Variants in MAOA observed in about 807,000 individuals in gnomAD.
MAOA encodes monoamine oxidase A, also known as amine oxidase [flavin-containing] A.
MAOA carries 6 observed loss-of-function variants against 42.0 expected under a neutral mutation model. The ratio of observed to expected loss-of-function variants is 0.14; its 90% CI spans 0.08 to 0.28. The LOEUF is 0.28. MAOA is among the 10% of genes least tolerant of loss of function. The probability of loss-of-function intolerance (pLI) is 1.00; values close to 1 mark genes in which losing one functional copy is unlikely to be tolerated. For synonymous variants in MAOA, 140 were observed against 154.0 expected (o/e 0.91, Z 0.67); for missense variants, 262 against 422.3 (o/e 0.62, Z 3.33).
intron 5 of MAOA, among the ~76,000 whole-genome samples, chrX:43,714,351 A>G (rs1477877114): frequency 9.0e-6 from 1 of 111,020 alleles, no homozygotes; most frequent in Non-Finnish European, 1.9e-5. Context: ...TGTTCCAGGT[A>G]TGATCCACAG....
At chrX:43,668,506 T>G (rs569106913) in intron 1 of MAOA, among the ~76,000 whole-genome samples, 2 of 112,380 alleles carry the variant, frequency 1.8e-5, no homozygotes, top group Admixed American at 9.5e-5. Context: ...TTTTTTAAGG[T>G]TTTTATGTTA....
chrX:43,742,800 G>A (rs1019852162), intron 12 of MAOA, among the ~76,000 whole-genome samples: 1 of 112,136 alleles, frequency 8.9e-6, no homozygotes, highest in Non-Finnish European at 1.9e-5. Flanking sequence ...CCTTCATCTG[G>A]TTTCCAGAGA....
intron 3 of MAOA, among the ~76,000 whole-genome samples, chrX:43,707,147 G>T (rs1341569442): frequency 9.0e-6 from 1 of 111,551 alleles, no homozygotes; most frequent in East Asian, 2.8e-4. Flanking sequence ...ATGGGAAAGG[G>T]GTGGGCAGAA....
At chrX:43,738,647 C>T (rs2033938835) in intron 10 of MAOA, among the ~76,000 whole-genome samples, 1 of 110,142 alleles carries the variant, frequency 9.1e-6, no homozygotes, top group Non-Finnish European at 1.9e-5. Context: ...ATAGAGAAAC[C>T]GTCTCCACAA....
chrX:43,660,251 G>C (rs1364418988), intron 1 of MAOA, among the ~76,000 whole-genome samples: 2 of 111,303 alleles, frequency 1.8e-5, no homozygotes, highest in African/African-American at 6.5e-5. Flanking sequence ...AAAAGCTCTT[G>C]ACCCCTGAAG....
intron 6 of MAOA, among the ~76,000 whole-genome samples, chrX:43,730,194 C>CAAA (rs1219771036): frequency 5.2e-5 from 2 of 38,106 alleles, no homozygotes; most frequent in Non-Finnish European, 9.8e-5. Context: ...AACTCCGTCT[C>CAAA]AAAAAAAAAA....
intron 1 of MAOA, among the ~76,000 whole-genome samples, 190 bp downstream of exon 1, chrX:43,656,604 G>A (rs928784071): frequency 9.0e-6 from 1 of 111,150 alleles, no homozygotes. Flanking sequence ...GACTGGGGGA[G>A]GCAGACACAA....
At chrX:43,688,656 A>G (rs1203951249) in intron 2 of MAOA, among the ~76,000 whole-genome samples, 1 of 112,291 alleles carries the variant, frequency 8.9e-6, no homozygotes, top group African/African-American at 3.2e-5. Flanking sequence ...TTCTGCTTGA[A>G]AAGAACATGT....
intron 3 of MAOA, among the ~76,000 whole-genome samples, chrX:43,694,590 G>A (rs2033562250): frequency 8.9e-6 from 1 of 112,117 alleles, no homozygotes; most frequent in African/African-American, 3.2e-5. Context: ...ATTTCACAAA[G>A]TATTTAGGAA....
At chrX:43,722,194 G>A (rs1362050231) in intron 5 of MAOA, among the ~76,000 whole-genome samples, 1 of 111,944 alleles carries the variant, frequency 8.9e-6, no homozygotes, top group Non-Finnish European at 1.9e-5. Flanking sequence ...ATAATTCTTT[G>A]GGTATATACC....
chrX:43,700,056 G>A (rs961321559), intron 3 of MAOA, among the ~76,000 whole-genome samples: 4 of 111,982 alleles, frequency 3.6e-5, no homozygotes, highest in African/African-American at 1.3e-4. Context: ...GTCTTTGTAG[G>A]GATGTTGCTT....
At chrX:43,665,854 ATAG>A in intron 1 of MAOA, among the ~76,000 whole-genome samples, 1 of 108,290 alleles carries the variant, frequency 9.2e-6, no homozygotes, top group Admixed American at 9.8e-5. Flanking sequence ...AGATAGATAG[ATAG>A]GAATGGTTTT....
intron 1 of MAOA, 91 bp downstream of exon 1, chrX:43,656,505 T>C (rs2033181018): frequency 7.3e-6 from 6 of 821,811 alleles, no homozygotes; most frequent in Non-Finnish European, 1.1e-5. Context: ...TGGGGGTCTC[T>C]CATGCATGCG....
chrX:43,663,439 C>T (rs2033251599), intron 1 of MAOA, among the ~76,000 whole-genome samples: 1 of 111,790 alleles, frequency 8.9e-6, no homozygotes, highest in Non-Finnish European at 1.9e-5. Context: ...TATATATTAA[C>T]CATGTCCAAG....
chrX:43,672,718 T>C (rs1258363350), intron 1 of MAOA, among the ~76,000 whole-genome samples: 5 of 111,771 alleles, frequency 4.5e-5, no homozygotes, highest in African/African-American at 1.3e-4. Context: ...GTTTTTGTCT[T>C]TGGTTCTGTT....
rs186651981 is a variant in MAOA, at chrX:43,746,193, C to T, written c.*1680C>T. On this transcript the variant is annotated 3_prime_UTR_variant, in exon 15 of 15. Coordinates refer to ENST00000338702, the MANE Select transcript of MAOA (RefSeq NM_000240.4). ...TTTTGGGAAATGCTGATTTAAACTT[C>T]TTAACTGGCAACAGTTGGAACAGTA... 1.6e-3 allele frequency: 180 copies of T among 112,537 alleles called. 1 individual carries two copies. The highest frequency in any genetic ancestry group is 5.7e-3 in the African/African-American group (178 of 31,033). 9.3% of individuals were successfully genotyped at this position (112,537 alleles called of 1,213,427 possible). A position where few individuals can be genotyped will look rare whatever the true frequency, so the allele number is the denominator to read the frequency against.
intron 5 of MAOA, among the ~76,000 whole-genome samples, chrX:43,715,844 G>C (rs1315427329): frequency 9.0e-6 from 1 of 110,849 alleles, no homozygotes; most frequent in Non-Finnish European, 1.9e-5. Context: ...ATGTGACACA[G>C]GCACTGTGGG....
At chrX:43,742,156 A>G (rs2033965172) in intron 12 of MAOA, 109 bp downstream of exon 12, 1 of 1,114,339 alleles carries the variant, frequency 9.0e-7, no homozygotes, top group Admixed American at 2.6e-5. Context: ...CCCATTTCTT[A>G]TGTCCTAGAT....
intron 1 of MAOA, among the ~76,000 whole-genome samples, chrX:43,672,211 A>C (rs2033343508): frequency 9.0e-6 from 1 of 111,428 alleles, no homozygotes; most frequent in Non-Finnish European, 1.9e-5. Context: ...AGCAATTGTG[A>C]ATGGGAGTTC....
Sources: allele counts gnomAD v4.1 joint callset (sites outside exome capture counted in the v4.1 genomes callset), GRCh38; gene constraint gnomAD v4.1.1; transcripts MANE v1.5; gene names NCBI Gene and HGNC (gene_info 2026-07-23, HGNC 2026-07-21).